IQUB: variants seen among roughly 807,000 people sequenced by gnomAD.
IQUB encodes the protein IQ motif and ubiquitin-like domain-containing protein.
In IQUB, 86 loss-of-function variants were observed where a neutral mutation model predicts 86.4. The ratio of observed to expected loss-of-function variants is 1.00; its 90% confidence interval spans 0.84 to 1.19. The LOEUF (loss-of-function observed/expected upper bound fraction) is 1.19. Among genes scored for constraint, IQUB ranks in the 50% most tolerant of loss-of-function variants. The pLI is 0.00. For missense variants in IQUB, 946 were observed against 916.9 expected, an observed-to-expected ratio of 1.03 and a Z score of -0.41; for synonymous variants, 289 against 304.5, an observed-to-expected ratio of 0.95 and a Z score of 0.53.
At chr7:123,462,603 A>C (rs1011763923) in intron 10 of IQUB, 1 of 203,660 alleles carries the variant, frequency 4.9e-6, no homozygotes, top group Non-Finnish European at 1.0e-5. Context: ...GAGAGAAAAG[A>C]AGAGTGATCT....
intron 7 of IQUB, among the ~76,000 whole-genome samples, chr7:123,492,473 T>A (rs1414433782): frequency 6.6e-6 from 1 of 152,180 alleles, no homozygotes; most frequent in Admixed American, 6.5e-5. Context: ...TGATGAGTTT[T>A]TAGGTATAAC....
At chr7:123,497,850 G>A (rs1308166784) in intron 6 of IQUB, among the ~76,000 whole-genome samples, 1 of 151,534 alleles carries the variant, frequency 6.6e-6, no homozygotes, top group African/African-American at 2.4e-5. Flanking sequence ...GAAAGAGTCT[G>A]TAACCTAATC....
chr7:123,480,430 T>C (rs1417377308), intron 7 of IQUB, among the ~76,000 whole-genome samples: 1 of 152,112 alleles, frequency 6.6e-6, no homozygotes, highest in Non-Finnish European at 1.5e-5. Context: ...CCAAGCACCA[T>C]GTGGGAGTCA....
chr7:123,504,479 C>T (rs932519323), intron 3 of IQUB, among the ~76,000 whole-genome samples: 2 of 152,070 alleles, frequency 1.3e-5, no homozygotes, highest in African/African-American at 4.8e-5. Context: ...GTTTAACTGG[C>T]TCACCATTCC....
chr7:123,487,640 T>C (rs1414190836), intron 7 of IQUB, among the ~76,000 whole-genome samples: 1 of 152,234 alleles, frequency 6.6e-6, no homozygotes, highest in Non-Finnish European at 1.5e-5. Flanking sequence ...TTAATCTTTT[T>C]TAAAACACAA....
intron 12 of IQUB, among the ~76,000 whole-genome samples, chr7:123,453,436 C>CTT (rs991677944): frequency 2.4e-4 from 36 of 148,160 alleles, no homozygotes; most frequent in African/African-American, 8.6e-4. Flanking sequence ...TATATATAAC[C>CTT]TTATATAATT....
chr7:123,511,765 G>C (rs1265357032), intron 2 of IQUB, among the ~76,000 whole-genome samples, 179 bp downstream of exon 2: 1 of 152,144 alleles, frequency 6.6e-6, no homozygotes, highest in East Asian at 1.9e-4. Flanking sequence ...GCAGAATAGA[G>C]AAGCTTTCAC....
chr7:123,531,152 T>C (rs966110282), intron 1 of IQUB, among the ~76,000 whole-genome samples: 1 of 152,150 alleles, frequency 6.6e-6, no homozygotes, highest in Non-Finnish European at 1.5e-5. Flanking sequence ...CCCTAATGCA[T>C]AGTCTTTGTA....
At position 123,512,014 on chromosome 7, in the gene IQUB, CA is replaced by C. The variant is rs756428375; in HGVS notation, c.326del (p.Leu109TrpfsTer7). 6 of 1,613,078 alleles carry C rather than the reference CA, an allele frequency of 3.7e-6. No homozygotes were observed. On this transcript the variant is annotated frameshift_variant, in exon 2 of 13. Coordinates refer to ENST00000324698, the MANE Select transcript of IQUB (RefSeq NM_178827.5). LOFTEE classifies it high-confidence loss of function. ...YAMQRPNDDSLAFLDKIKSVK... is the reference protein window; with the variant it reads ...YAMQRPNDDSXAFLDKIKSVK... Reference sequence around the variant, plus strand: ...CAGACTTTATTTTATCCAGAAATGCCAAACTATCATCATTTGGCCTCTGCAT... The same window carrying C: ...CAGACTTTATTTTATCCAGAAATGCCAACTATCATCATTTGGCCTCTGCAT...
At chr7:123,473,206 C>G (rs1180985823) in intron 8 of IQUB, among the ~76,000 whole-genome samples, 1 of 152,180 alleles carries the variant, frequency 6.6e-6, no homozygotes, top group Middle Eastern at 3.2e-3. Flanking sequence ...TTACACAGCA[C>G]AGGGGTTTTG....
At chr7:123,500,881 T>C (rs539521829) in intron 6 of IQUB, among the ~76,000 whole-genome samples, 6 of 152,338 alleles carry the variant, frequency 3.9e-5, no homozygotes, top group African/African-American at 1.4e-4. Flanking sequence ...TGTCCTTGTA[T>C]ATTTATACTT....
intron 1 of IQUB, among the ~76,000 whole-genome samples, chr7:123,525,618 G>A (rs940831041): frequency 6.6e-5 from 10 of 152,054 alleles, no homozygotes; most frequent in Non-Finnish European, 1.2e-4. Flanking sequence ...CTTGCTAGCG[G>A]TCTATCAATT....
intron 7 of IQUB, among the ~76,000 whole-genome samples, chr7:123,495,127 G>C (rs1795652474): frequency 6.6e-6 from 1 of 152,046 alleles, no homozygotes. Context: ...AAGTAGAAGT[G>C]AAGTTTAAAG....
chr7:123,468,071 C>A (rs1169584087), intron 9 of IQUB, among the ~76,000 whole-genome samples: 1 of 152,114 alleles, frequency 6.6e-6, no homozygotes, highest in African/African-American at 2.4e-5. Flanking sequence ...TGTTTGGCAC[C>A]CAGGTAATGG....
At chr7:123,482,605 C>A (rs1045207653) in intron 7 of IQUB, among the ~76,000 whole-genome samples, 3 of 152,076 alleles carry the variant, frequency 2.0e-5, no homozygotes, top group Admixed American at 6.6e-5. Flanking sequence ...AAAAACACTA[C>A]ATGTGAAAAT....
At chr7:123,512,974 G>A (rs191880596) in intron 1 of IQUB, among the ~76,000 whole-genome samples, 34 of 152,248 alleles carry the variant, frequency 2.2e-4, no homozygotes, top group Admixed American at 4.6e-4. Context: ...TGCCAGAGCC[G>A]GGCTGCAGAT....
intron 7 of IQUB, among the ~76,000 whole-genome samples, chr7:123,486,346 TC>T (rs1290396087): frequency 6.6e-6 from 1 of 152,156 alleles, no homozygotes; most frequent in Non-Finnish European, 1.5e-5. Flanking sequence ...AAATAAAAAA[TC>T]CTGCACACCC....
Position 123,469,356 on chromosome 7 carries a change from G to A in IQUB, c.1439C>T (p.Pro480Leu), listed in dbSNP as rs764834444. The A allele has an allele frequency of 1.3e-6, 2 of 1,596,690 alleles. No homozygotes were observed. Among genetic ancestry groups the A allele is most frequent in the African/African-American group, 1.3e-5 (1 of 74,182 alleles). Residue 480 changes from proline to leucine, a missense_variant, in exon 9 of 13, where the codon CCT becomes CTT. Pro to Leu is a moderately conservative substitution (Grantham distance 98). Coordinates refer to ENST00000324698, the MANE Select transcript of IQUB (RefSeq NM_178827.5). ...ATCCATCTCAATTGTTTTGCCATTA[G>A]GGGTTCTCCATATTTTTGGAGCTGA... ...KCSAPKIWRTPNGKTIEMDTQ... is the reference protein window; with the variant it reads ...KCSAPKIWRTLNGKTIEMDTQ...
intron 1 of IQUB, among the ~76,000 whole-genome samples, chr7:123,525,892 G>A (rs1361423537): frequency 6.8e-6 from 1 of 146,350 alleles, no homozygotes; most frequent in Non-Finnish European, 1.5e-5. Flanking sequence ...AGAGATGCTG[G>A]TATGTTGTGT....
Sources: gnomAD v4.1 joint callset for allele counts (sites outside exome capture counted in the v4.1 genomes callset) on GRCh38, gnomAD v4.1.1 for gene constraint, MANE v1.5 for transcripts, NCBI Gene and HGNC (gene_info 2026-07-23, HGNC 2026-07-21) for gene names.